Variants in BANK1 observed in about 807,000 individuals in gnomAD.
BANK1 encodes the protein B-cell scaffold protein with ankyrin repeats.
Under a neutral mutation model 94.5 loss-of-function variants are expected in BANK1, and 95 were observed. That is an observed-to-expected ratio of 1.00 (90% confidence interval 0.85 to 1.19). The LOEUF (loss-of-function observed/expected upper bound fraction) is 1.19, where lower values mean the gene tolerates loss of function less well. BANK1 is among the 50% of genes most tolerant of loss of function. The pLI is 0.00. For synonymous variants in BANK1, 334 were observed against 308.4 expected, an observed-to-expected ratio of 1.08 and a Z score of -0.87; for missense variants, 987 against 932.2, an observed-to-expected ratio of 1.06 and a Z score of -0.77.
At chr4:102,055,545 T>G (rs892546083) in intron 11 of BANK1, among the ~76,000 whole-genome samples, 2 of 152,012 alleles carry the variant, frequency 1.3e-5, no homozygotes, top group Non-Finnish European at 2.9e-5. Flanking sequence ...AAGGAGATAC[T>G]TTCTCCATTA....
intron 7 of BANK1, among the ~76,000 whole-genome samples, chr4:102,018,283 C>T (rs1726782101): frequency 6.6e-6 from 1 of 152,166 alleles, no homozygotes; most frequent in Non-Finnish European, 1.5e-5. Context: ...ACTTGTCACT[C>T]TTCAAACATA....
At chr4:101,809,547 A>G (rs1725672415) in intron 1 of BANK1, among the ~76,000 whole-genome samples, 1 of 152,154 alleles carries the variant, frequency 6.6e-6, no homozygotes, top group Non-Finnish European at 1.5e-5. Flanking sequence ...ATAAAATGCC[A>G]GTAATAAAGA....
At chr4:102,066,840 A>ATTGT (rs1728611571) in intron 13 of BANK1, among the ~76,000 whole-genome samples, 1 of 152,196 alleles carries the variant, frequency 6.6e-6, no homozygotes, top group Admixed American at 6.5e-5. Context: ...TTCAAAGACA[A>ATTGT]TTGTTTAAAG....
chr4:102,026,146 T>C (rs534173727), intron 9 of BANK1, among the ~76,000 whole-genome samples: 2 of 152,180 alleles, frequency 1.3e-5, no homozygotes, highest in East Asian at 3.9e-4. Context: ...AATTGGGGTG[T>C]GGAAAGTGGG....
intron 6 of BANK1, among the ~76,000 whole-genome samples, chr4:101,905,641 C>T (rs1722423642): frequency 6.6e-6 from 1 of 152,108 alleles, no homozygotes; most frequent in East Asian, 1.9e-4. Flanking sequence ...GGGGTATTTC[C>T]TTTATCCACC....
Position 102,073,667 on chromosome 4 carries a change from T to C in BANK1, c.2299-17T>C. On this transcript the variant is annotated splice_polypyrimidine_tract_variant and intron_variant, in intron 15 of 16. Transcript: ENST00000322953. Reference sequence around the variant, plus strand: ...CAAATCGAGAAATACTAGCTCTATATCTTTATTTTTTTTCAGCTTCCTGCT... The same window carrying C: ...CAAATCGAGAAATACTAGCTCTATACCTTTATTTTTTTTCAGCTTCCTGCT... 1.9e-6 allele frequency: 3 copies of C among 1,607,966 alleles called. No homozygotes were observed. The highest frequency in any genetic ancestry group is 1.3e-5 in the African/African-American group (1 of 74,766).
intron 1 of BANK1, among the ~76,000 whole-genome samples, chr4:101,791,630 T>A (rs1724991576): frequency 1.3e-5 from 2 of 152,246 alleles, no homozygotes; most frequent in South Asian, 4.1e-4. Flanking sequence ...AAATGTTTTT[T>A]AAATTAAAAA....
chr4:102,008,152 T>C (rs1425933937), intron 7 of BANK1, among the ~76,000 whole-genome samples: 1 of 152,172 alleles, frequency 6.6e-6, no homozygotes, highest in Non-Finnish European at 1.5e-5. Flanking sequence ...CAAAGAGATG[T>C]GGACTTAGAT....
chr4:101,882,577 G>A (rs1314934075), intron 5 of BANK1, among the ~76,000 whole-genome samples: 1 of 152,158 alleles, frequency 6.6e-6, no homozygotes, highest in Non-Finnish European at 1.5e-5. Context: ...TGGCTGCATG[G>A]CATAGGTGCA....
intron 5 of BANK1, among the ~76,000 whole-genome samples, chr4:101,883,671 A>G (rs1015457447): frequency 2.6e-5 from 4 of 152,116 alleles, no homozygotes; most frequent in East Asian, 3.9e-4. Flanking sequence ...CCTGTAACCA[A>G]CCCCATTCAA....
chr4:101,876,889 A>G (rs1406371949), intron 5 of BANK1, among the ~76,000 whole-genome samples: 2 of 152,100 alleles, frequency 1.3e-5, no homozygotes, highest in Non-Finnish European at 2.9e-5. Context: ...CTGGAGCTGA[A>G]AAATGAAGTT....
chr4:102,048,709 GA>G (rs1418128776), intron 11 of BANK1, among the ~76,000 whole-genome samples: 1 of 152,168 alleles, frequency 6.6e-6, no homozygotes, highest in African/African-American at 2.4e-5. Flanking sequence ...AAGGGATGAT[GA>G]GAGCCAACTG....
intron 12 of BANK1, chr4:102,062,115 A>G (rs1283901921): frequency 1.3e-5 from 2 of 152,216 alleles, no homozygotes; most frequent in Non-Finnish European, 2.9e-5. Flanking sequence ...ATTTGTTTGT[A>G]TCCTATGAAT....
Position 101,796,608 on chromosome 4 carries a change from A to G in BANK1, c.70+5658A>G, listed in dbSNP as rs145594357. 1.6e-3 allele frequency among the ~76,000 whole-genome samples: 243 copies of G among 152,330 alleles called. 1 individual carries two copies. Among genetic ancestry groups the G allele is most frequent in the African/African-American group, 5.5e-3 (227 of 41,582 alleles). ...CATTTATTTTTAGGTTTTCAAACTT[A>G]AATCCTTAGAGCTGGAGAGAAAATA... On this transcript the variant is annotated intron_variant, in intron 1 of 16. Transcript: ENST00000322953.
intron 11 of BANK1, among the ~76,000 whole-genome samples, chr4:102,050,545 G>A (rs1728015257): frequency 6.6e-6 from 1 of 152,154 alleles, no homozygotes; most frequent in African/African-American, 2.4e-5. Flanking sequence ...ACCACATGTG[G>A]TCAAATTTAG....
At position 101,855,046 on chromosome 4, in the gene BANK1, T is replaced by C. The variant is rs1244213025; in HGVS notation, c.481T>C (p.Tyr161His). 6.2e-7 allele frequency: 1 copy of C among 1,609,084 alleles called. No individual in the cohort carries two copies. The highest frequency in any genetic ancestry group is 8.5e-7 in the Non-Finnish European group (1 of 1,176,744). Residue 161 changes from tyrosine to histidine, a missense_variant, in exon 3 of 17, where the codon TAC becomes CAC. Coordinates refer to ENST00000322953, the MANE Select transcript of BANK1 (RefSeq NM_017935.5). Reference protein sequence around the residue: ...QSIIFKDSEDYFEVNIPTDLR... With the variant: ...QSIIFKDSEDHFEVNIPTDLR... The stretch of plus-strand genomic sequence containing the variant: ...AAAATTTTCTCTAGATTCTGAAGAC[T>C]ACTTTGAGGTCAACATTCCAACAGA...
chr4:101,834,295 C>T (rs1183437126), intron 2 of BANK1, among the ~76,000 whole-genome samples: 1 of 152,096 alleles, frequency 6.6e-6, no homozygotes, highest in African/African-American at 2.4e-5. Flanking sequence ...CTCTCATCTG[C>T]CCACATTGAT....
chr4:101,882,574 A>G (rs1728717520), intron 5 of BANK1, among the ~76,000 whole-genome samples: 1 of 152,222 alleles, frequency 6.6e-6, no homozygotes, highest in African/African-American at 2.4e-5. Flanking sequence ...AAGTGGCTGC[A>G]TGGCATAGGT....
intron 7 of BANK1, among the ~76,000 whole-genome samples, chr4:101,950,058 T>TGTGC (rs1160165301): frequency 7.3e-6 from 1 of 136,994 alleles, no homozygotes; most frequent in Non-Finnish European, 1.5e-5. Flanking sequence ...TGTGTGTGTG[T>TGTGC]GTGCGCGTGC....
Sources: gnomAD v4.1 joint callset for allele counts (sites outside exome capture counted in the v4.1 genomes callset) on GRCh38, gnomAD v4.1.1 for gene constraint, MANE v1.5 for transcripts, NCBI Gene and HGNC (gene_info 2026-07-23, HGNC 2026-07-21) for gene names.